Variants in FRMD4B observed in about 807,000 individuals in gnomAD.
The protein encoded by FRMD4B is FERM domain-containing protein 4B.
FRMD4B carries 74 observed loss-of-function variants against 141.5 expected under a neutral mutation model. The ratio of observed to expected loss-of-function variants is 0.52; its 90% CI spans 0.43 to 0.63. The LOEUF is 0.63. FRMD4B is among the 30% of genes least tolerant of loss of function. FRMD4B has a pLI of 0.00. For synonymous variants in FRMD4B, 506 were observed against 467.9 expected, an observed-to-expected ratio of 1.08 and a Z score of -1.05; for missense variants, 1,366 against 1,253.4, an observed-to-expected ratio of 1.09 and a Z score of -1.36.
chr3:69,480,770 G>A (rs1277932930), intron 1 of FRMD4B, among the ~76,000 whole-genome samples: 1 of 152,060 alleles, frequency 6.6e-6, no homozygotes, highest in Non-Finnish European at 1.5e-5. Flanking sequence ...AGTCTGCAGA[G>A]GTTACTGCTG....
chr3:69,502,959 A>G (rs571605949), intron 1 of FRMD4B, among the ~76,000 whole-genome samples: 258 of 152,310 alleles, frequency 1.7e-3, no homozygotes, highest in Non-Finnish European at 3.2e-3. Flanking sequence ...GGCCATCAGA[A>G]AAATGCAAAT....
chr3:69,279,255 A>G (rs1005615704), intron 5 of FRMD4B, among the ~76,000 whole-genome samples: 2 of 152,240 alleles, frequency 1.3e-5, no homozygotes, highest in Non-Finnish European at 2.9e-5. Context: ...GAATGAAGAC[A>G]GACAAATACG....
intron 1 of FRMD4B, among the ~76,000 whole-genome samples, chr3:69,382,685 G>T (rs907613743): frequency 1.3e-5 from 2 of 151,410 alleles, no homozygotes; most frequent in Non-Finnish European, 2.9e-5. Context: ...CATCAGGAGT[G>T]GGTACAGACC....
chr3:69,491,523 T>C lies in FRMD4B; in HGVS notation c.-129+50683A>G, dbSNP rs550549509. The stretch of plus-strand genomic sequence containing the variant: ...CACCTATTTGCAATTAAAGAAAACT[T>C]TACATAAAAGCACATATTTTATTCT... On this transcript the variant is annotated intron_variant, in intron 1 of 5. Coordinates refer to the FRMD4B transcript ENST00000459638. Among the ~76,000 whole-genome samples the C allele has an allele frequency of 3.8e-4, 58 of 152,052 alleles. 1 individual carries two copies. Among genetic ancestry groups the C allele is most frequent in the African/African-American group, 1.4e-3 (56 of 41,470 alleles).
intron 22 of FRMD4B, among the ~76,000 whole-genome samples, chr3:69,173,724 T>C (rs1036744476): frequency 1.9e-4 from 29 of 152,332 alleles, no homozygotes; most frequent in South Asian, 6.2e-4. Context: ...CAAATCTTTC[T>C]GGAAGGCAAG....
intron 1 of FRMD4B, among the ~76,000 whole-genome samples, chr3:69,353,113 A>G (rs934326851): frequency 2.6e-5 from 4 of 152,328 alleles, no homozygotes; most frequent in Middle Eastern, 3.4e-3. Flanking sequence ...AGAAGAAGAA[A>G]AAAGGAGAGT....
At chr3:69,538,837 C>A (rs944440392) in intron 1 of FRMD4B, among the ~76,000 whole-genome samples, 1 of 152,148 alleles carries the variant, frequency 6.6e-6, no homozygotes, top group Non-Finnish European at 1.5e-5. Flanking sequence ...AAAAAAAAAT[C>A]TTACTGACTT....
At chr3:69,518,528 A>G (rs1700800776) in intron 1 of FRMD4B, among the ~76,000 whole-genome samples, 1 of 152,228 alleles carries the variant, frequency 6.6e-6, no homozygotes, top group Non-Finnish European at 1.5e-5. Flanking sequence ...ATTTGGCACT[A>G]GAAATGACAG....
At chr3:69,202,845 A>C (rs974538507) in intron 11 of FRMD4B, among the ~76,000 whole-genome samples, 1 of 150,462 alleles carries the variant, frequency 6.6e-6, no homozygotes, top group African/African-American at 2.4e-5. Context: ...GCAATTGCAA[A>C]AGTAAATAGA....
At chr3:69,248,580 G>T (rs970319313) in intron 7 of FRMD4B, among the ~76,000 whole-genome samples, 2 of 152,318 alleles carry the variant, frequency 1.3e-5, no homozygotes, top group Admixed American at 1.3e-4. Context: ...GCTTTCAAAG[G>T]GGTCATTGGC....
At chr3:69,205,059 C>CAAAAAAAAAAAAAAAAAAA (rs33955997) in intron 11 of FRMD4B, among the ~76,000 whole-genome samples, 45 of 124,232 alleles carry the variant, frequency 3.6e-4, no homozygotes, top group East Asian at 1.0e-3. Flanking sequence ...ATGTTTTTAA[C>CAAAAAAAAAAAAAAAAAAA]AAAAAAAAAA....
At chr3:69,523,267 CAG>C (rs1453627478) in intron 1 of FRMD4B, among the ~76,000 whole-genome samples, 4 of 152,104 alleles carry the variant, frequency 2.6e-5, no homozygotes, top group African/African-American at 9.7e-5. Flanking sequence ...AAGAGGATGA[CAG>C]AAGTGGTTAA....
intron 7 of FRMD4B, among the ~76,000 whole-genome samples, chr3:69,237,854 C>T (rs1281679143): frequency 6.6e-6 from 1 of 152,166 alleles, no homozygotes; most frequent in African/African-American, 2.4e-5. Context: ...CCTCAGCCTC[C>T]TAAGTAGCTG....
At chr3:69,528,407 C>A (rs988408378) in intron 1 of FRMD4B, among the ~76,000 whole-genome samples, 3 of 151,706 alleles carry the variant, frequency 2.0e-5, no homozygotes, top group African/African-American at 7.3e-5. Flanking sequence ...CTCTGTTACC[C>A]AGGCTGGAGT....
At chr3:69,401,990 C>T (rs1023647126) in intron 2 of FRMD4B, among the ~76,000 whole-genome samples, 2 of 152,146 alleles carry the variant, frequency 1.3e-5, no homozygotes, top group African/African-American at 2.4e-5. Flanking sequence ...AATGCAGTAG[C>T]CTGTGCGTAG....
intron 7 of FRMD4B, among the ~76,000 whole-genome samples, chr3:69,231,055 G>A (rs72929575): frequency 0.018 from 2,741 of 152,292 alleles, 88 homozygotes; most frequent in African/African-American, 0.063. Flanking sequence ...CATCTCATCT[G>A]GGAAGCTAAG....
intron 5 of FRMD4B, among the ~76,000 whole-genome samples, chr3:69,266,589 G>A (rs564928226): frequency 6.6e-6 from 1 of 152,230 alleles, no homozygotes; most frequent in East Asian, 1.9e-4. Context: ...GCCTCCCAAA[G>A]TGCTGGGATT....
chr3:69,472,964 G>A (rs1335040159), intron 1 of FRMD4B, among the ~76,000 whole-genome samples: 3 of 132,462 alleles, frequency 2.3e-5, no homozygotes, highest in Admixed American at 1.5e-4. Context: ...GGCTTAGGGG[G>A]TGGAATCTTA....
chr3:69,320,949 G>A (rs1403625808), intron 1 of FRMD4B: 2 of 152,260 alleles, frequency 1.3e-5, no homozygotes, highest in Non-Finnish European at 2.9e-5. Flanking sequence ...CAGAGTGCAA[G>A]TGCTGATTAC....
Sources: allele counts gnomAD v4.1 joint callset (sites outside exome capture counted in the v4.1 genomes callset), GRCh38; gene constraint gnomAD v4.1.1; transcripts MANE v1.5; gene names NCBI Gene and HGNC (gene_info 2026-07-23, HGNC 2026-07-21).